Variants in UNC79 observed in about 807,000 individuals in gnomAD.
The protein encoded by UNC79 is unc-79 subunit of NALCN channel complex, also known as protein unc-79 homolog.
UNC79 carries 37 observed loss-of-function variants against 283.1 expected under a neutral mutation model. That is an observed-to-expected ratio of 0.13 (90% CI 0.10 to 0.17). UNC79 has a LOEUF of 0.17. UNC79 is among the 10% of genes least tolerant of loss of function. UNC79 has a pLI of 1.00. For synonymous variants in UNC79, 1,107 were observed against 1,200.2 expected (o/e 0.92, Z 1.61); for missense variants, 2,272 against 3,211.1 (o/e 0.71, Z 7.07).
intron 1 of UNC79, among the ~76,000 whole-genome samples, chr14:93,418,432 G>T (rs980301157): frequency 6.6e-6 from 1 of 151,726 alleles, no homozygotes; most frequent in Non-Finnish European, 1.5e-5. Context: ...TGCCCCTACT[G>T]GGGGGTGCCT....
chr14:93,333,250 G>GGGTCGCTGGGAGTCGGGCGTCC (rs1478663139), exon 1 of UNC79: 1 of 402,288 alleles, frequency 2.5e-6, no homozygotes. Context: ...GCCGGGCGTC[G>GGGTCGCTGGGAGTCGGGCGTCC]GGTCGCTGGG....
At chr14:93,544,194 T>C (rs770602789) in intron 14 of UNC79, among the ~76,000 whole-genome samples, 28 of 152,238 alleles carry the variant, frequency 1.8e-4, no homozygotes, top group Admixed American at 1.1e-3. Context: ...AATTAACTGA[T>C]AACAGTTTAA....
At chr14:93,705,347 CAAAAAAA>C (rs71129656) in intron 48 of UNC79, among the ~76,000 whole-genome samples, 9 of 87,526 alleles carry the variant, frequency 1.0e-4, no homozygotes, top group Admixed American at 2.5e-4. Flanking sequence ...CCCAGTCTCT[CAAAAAAA>C]AAAAAAAAAA....
At chr14:93,608,614 A>G (rs1168830353) in intron 26 of UNC79, among the ~76,000 whole-genome samples, 1 of 152,172 alleles carries the variant, frequency 6.6e-6, no homozygotes, top group African/African-American at 2.4e-5. Context: ...CTGCCTGTGG[A>G]ATGGAACCTC....
At chr14:93,378,476 C>A (rs2054604029) in intron 1 of UNC79, among the ~76,000 whole-genome samples, 1 of 151,898 alleles carries the variant, frequency 6.6e-6, no homozygotes, top group African/African-American at 2.4e-5. Flanking sequence ...AGAAGTGTTT[C>A]AGATTTTGTT....
At chr14:93,609,045 T>C (rs2066099935) in intron 26 of UNC79, among the ~76,000 whole-genome samples, 2 of 152,212 alleles carry the variant, frequency 1.3e-5, no homozygotes, top group Admixed American at 1.3e-4. Flanking sequence ...GTTAGGAAAA[T>C]GCTGAAGGAA....
At chr14:93,570,819 G>A (rs977220263) in intron 14 of UNC79, among the ~76,000 whole-genome samples, 5 of 152,268 alleles carry the variant, frequency 3.3e-5, no homozygotes, top group South Asian at 4.2e-4. Context: ...TTCCAAAAGC[G>A]TACTTGTTCC....
At chr14:93,337,796 T>C (rs1413806085) in intron 1 of UNC79, among the ~76,000 whole-genome samples, 1 of 152,198 alleles carries the variant, frequency 6.6e-6, no homozygotes, top group Non-Finnish European at 1.5e-5. Context: ...TGTGACATGC[T>C]GTAACACTCC....
At position 93,617,977 on chromosome 14, in the gene UNC79, G is replaced by A. The variant is rs1009814953; in HGVS notation, c.4225-215G>A. On this transcript the variant is annotated intron_variant, in intron 28 of 48. Transcript: ENST00000555664. The surrounding 1 kb of genome is among the most constrained non-coding windows in gnomAD (Gnocchi z 4.5). ...GAGCCCGGTAGGCTGCTATGATCACGCCACAGCACTCCAACCTGGGTGACA... is the reference window on the plus strand; with the variant it reads ...GAGCCCGGTAGGCTGCTATGATCACACCACAGCACTCCAACCTGGGTGACA... Among the ~76,000 whole-genome samples the A allele has an allele frequency of 1.3e-5, 2 of 152,066 alleles. No individual in the cohort carries two copies. The highest frequency in any genetic ancestry group is 2.9e-5 in the Non-Finnish European group (2 of 68,018).
chr14:93,533,901 T>C (rs1469472001), intron 11 of UNC79, among the ~76,000 whole-genome samples: 1 of 152,252 alleles, frequency 6.6e-6, no homozygotes, highest in Admixed American at 6.5e-5. Flanking sequence ...ACAAGTCTTA[T>C]TCATTTATGG....
At position 93,621,550 on chromosome 14, in the gene UNC79, G is replaced by A; in HGVS notation, c.4388-71G>A. 6.8e-7 allele frequency: 1 copy of A among 1,477,308 alleles called. No individual in the cohort carries two copies. Among genetic ancestry groups the A allele is most frequent in the Non-Finnish European group, 9.0e-7 (1 of 1,113,854 alleles). The allele number at this position is 1,477,308 out of a possible 1,614,324, so 91.5% of individuals were successfully genotyped here. The stretch of plus-strand genomic sequence containing the variant: ...TGATGATGATTTATGCCAATTGTAT[G>A]CCCAAGGATGAGGGGAAAAAATGGT... On this transcript the variant is annotated intron_variant, in intron 29 of 48. Transcript: ENST00000555664. The surrounding 1 kb of genome is among the most constrained non-coding windows in gnomAD (Gnocchi z 4.8).
At chr14:93,585,535 G>A (rs1010048602) in intron 20 of UNC79, among the ~76,000 whole-genome samples, 3 of 152,204 alleles carry the variant, frequency 2.0e-5, no homozygotes, top group Non-Finnish European at 4.4e-5. Flanking sequence ...CATTCAGGCG[G>A]AAGATTCCCA....
intron 38 of UNC79, among the ~76,000 whole-genome samples, chr14:93,656,522 C>G (rs889372931): frequency 6.6e-6 from 1 of 151,484 alleles, no homozygotes; most frequent in African/African-American, 2.4e-5. Context: ...GGCAAGGTGG[C>G]ATGCACCTGT....
chr14:93,454,593 C>T (rs1408036349), intron 1 of UNC79, among the ~76,000 whole-genome samples: 1 of 152,028 alleles, frequency 6.6e-6, no homozygotes, highest in Non-Finnish European at 1.5e-5. Context: ...TCAGTTTTTT[C>T]GTTGGTAATG....
chr14:93,706,819 G>A lies in UNC79; in HGVS notation c.7706G>A (p.Arg2569Gln), dbSNP rs368890148. Residue 2569 changes from arginine to glutamine, a missense_variant, in exon 49 of 49, where the codon CGA becomes CAA. Coordinates refer to ENST00000555664, the Ensembl canonical transcript of UNC79. ...AGCAGTGCTGGCCTGGCAGCCCTCC[G>A]AAAGTGGTTGCAGTGCACTCAGTTC... 1.5e-5 allele frequency: 25 copies of A among 1,614,088 alleles called. No homozygotes were observed. Among genetic ancestry groups the A allele is most frequent in the South Asian group, 2.2e-5 (2 of 91,090 alleles).
intron 7 of UNC79, among the ~76,000 whole-genome samples, chr14:93,507,138 A>G (rs1402122681): frequency 2.0e-5 from 3 of 152,146 alleles, no homozygotes; most frequent in Admixed American, 6.5e-5. Flanking sequence ...TTGTTTATCA[A>G]CCTTCCTATT....
At chr14:93,491,335 A>G (rs906319975) in intron 5 of UNC79, among the ~76,000 whole-genome samples, 2 of 151,746 alleles carry the variant, frequency 1.3e-5, no homozygotes, top group Non-Finnish European at 2.9e-5. Flanking sequence ...ATTATATCTT[A>G]TATATCTGTC....
intron 1 of UNC79, among the ~76,000 whole-genome samples, chr14:93,418,630 G>A (rs2055518462): frequency 6.6e-6 from 1 of 151,874 alleles, no homozygotes; most frequent in Non-Finnish European, 1.5e-5. Flanking sequence ...CAGAGGTGGA[G>A]CCTACAGAGG....
exon 36 of UNC79, chr14:93,653,789 G>A (rs747829774): frequency 9.3e-6 from 15 of 1,613,724 alleles, no homozygotes; most frequent in African/African-American, 6.7e-5. Flanking sequence ...CAGTTCCTGC[G>A]CTGCATCTTC....
Sources: gnomAD v4.1 joint callset for allele counts (sites outside exome capture counted in the v4.1 genomes callset) on GRCh38, gnomAD v4.1.1 for gene constraint, Gnocchi (gnomAD v3.1) non-coding constraint, MANE v1.5 for transcripts, NCBI Gene and HGNC (gene_info 2026-07-23, HGNC 2026-07-21) for gene names.